Variants in TTYH3 observed in about 807,000 individuals in gnomAD.
The protein encoded by TTYH3 is tweety family member 3, also known as protein tweety homolog 3.
In TTYH3, 23 loss-of-function variants were observed where a neutral mutation model predicts 68.2. That is an observed-to-expected ratio of 0.34 (90% CI 0.24 to 0.48). The LOEUF (loss-of-function observed/expected upper bound fraction) is 0.48. TTYH3 is among the 20% of genes least tolerant of loss of function. The probability of loss-of-function intolerance (pLI) is 0.99; values close to 1 mark genes in which losing one functional copy is unlikely to be tolerated. For synonymous variants in TTYH3, 360 were observed against 332.8 expected (o/e 1.08, Z -0.89); for missense variants, 768 against 727.7 (o/e 1.06, Z -0.64).
Position 2,648,181 on chromosome 7 carries a change from A to AC in TTYH3, c.722+133dup, listed in dbSNP as rs1003655825. The AC allele has an allele frequency of 6.0e-6, 5 of 833,352 alleles. No individual in the cohort carries two copies. In the Admixed American group the frequency reaches 1.3e-4, roughly 22 times the overall value. The allele number at this position is 833,352 out of a possible 1,614,324, so 51.6% of individuals were successfully genotyped here. A position where few individuals can be genotyped will look rare whatever the true frequency, so the allele number is the denominator to read the frequency against. On this transcript the variant is annotated intron_variant, in intron 5 of 13. Transcript: ENST00000258796. ...AGCTCTGCGGTGGGGGCTGAGCGGG[A>AC]CCCCCCTGCACTGGGCCTGCTCTGA...
In TTYH3 at chr7:2,652,377, A is replaced by G. The variant is rs988078539; in HGVS notation, c.927+135A>G. 47 of 790,844 alleles carry G rather than the reference A, an allele frequency of 5.9e-5. No individual in the cohort carries two copies. In the South Asian group the frequency reaches 6.7e-4, roughly 11 times the overall value. The allele number at this position is 790,844 out of a possible 1,614,324, so 49.0% of individuals were successfully genotyped here. On this transcript the variant is annotated intron_variant, in intron 8 of 13. Transcript: ENST00000258796. ...GGAACTGGGGGAGGGAGCTGGACAA[A>G]GGCTGTGTGGATGTCACCAACAGCC... is the stretch of plus-strand genomic sequence containing the variant.
intron 1 of TTYH3, among the ~76,000 whole-genome samples, chr7:2,636,480 T>C (rs1009233216): frequency 5.3e-5 from 8 of 152,188 alleles, no homozygotes; most frequent in African/African-American, 1.9e-4. Context: ...GTGTTCCAGA[T>C]GCTTGTCCAG....
At chr7:2,633,147 T>A (rs1236705969) in intron 1 of TTYH3, among the ~76,000 whole-genome samples, 1 of 152,132 alleles carries the variant, frequency 6.6e-6, no homozygotes, top group Non-Finnish European at 1.5e-5. Flanking sequence ...GACCAAGCTG[T>A]GGGCATTTCC....
chr7:2,656,371 T>C, intron 10 of TTYH3, 27 bp from the exon 11 acceptor site: 1 of 1,599,604 alleles, frequency 6.3e-7, no homozygotes, highest in South Asian at 1.1e-5. Flanking sequence ...TGTCTCTGGA[T>C]CCTGCCATCT....
At position 2,651,399 on chromosome 7, in the gene TTYH3, G is replaced by A. The variant is rs377092617; in HGVS notation, c.872-788G>A. ...TCTGCCGCCCACTGACCTTGTCCTC[G>A]GGGGCGAGGGTGGAGGGGTGGGCCC... On this transcript the variant is annotated intron_variant, in intron 7 of 13. Coordinates refer to ENST00000258796, the MANE Select transcript of TTYH3 (RefSeq NM_025250.3). 7.7e-4 allele frequency among the ~76,000 whole-genome samples: 118 copies of A among 152,308 alleles called. 1 individual carries two copies. Among genetic ancestry groups the A allele is most frequent in the African/African-American group, 2.7e-3 (113 of 41,564 alleles).
At chr7:2,660,687 C>A in intron 13 of TTYH3, 1 of 437,574 alleles carries the variant, frequency 2.3e-6, no homozygotes, top group Non-Finnish European at 3.0e-6. Flanking sequence ...TTCTTGGTGT[C>A]CCAGGAGGGC....
At position 2,656,478 on chromosome 7, in the gene TTYH3, A is replaced by G; in HGVS notation, c.1194A>G (p.Thr398=). The G allele has an allele frequency of 6.2e-7, 1 of 1,612,118 alleles. No homozygotes were observed. Among genetic ancestry groups the G allele is most frequent in the Non-Finnish European group, 8.5e-7 (1 of 1,179,704 alleles). Residue 398 remains threonine (T), a synonymous_variant, in exon 11 of 14, where the codon ACA becomes ACG. Coordinates refer to ENST00000258796, the MANE Select transcript of TTYH3 (RefSeq NM_025250.3). ...ACCTGGCCCTCTTCTCCTTCGTCAC[A>G]GCCCTCATGTTCAGCTCCATCGTCT... is the stretch of plus-strand genomic sequence containing the variant. ...LIYLALFSFV[T]ALMFSSIVCS...
chr7:2,656,234 CAG>C (rs750938128), intron 10 of TTYH3, 50 bp downstream of exon 10: 25 of 1,548,062 alleles, frequency 1.6e-5, no homozygotes, highest in Non-Finnish European at 2.1e-5. Flanking sequence ...AGGGTGGGAA[CAG>C]GGGAGCAGCT....
At chr7:2,644,491 C>G (rs770042725) in intron 1 of TTYH3, among the ~76,000 whole-genome samples, 6 of 152,230 alleles carry the variant, frequency 3.9e-5, no homozygotes, top group Non-Finnish European at 8.8e-5. Flanking sequence ...CTGAGGACCC[C>G]TCTGTGACAT....
chr7:2,654,853 C>T (rs529979626), intron 9 of TTYH3, among the ~76,000 whole-genome samples: 3 of 152,116 alleles, frequency 2.0e-5, no homozygotes, highest in South Asian at 2.1e-4. Flanking sequence ...GGCGCAATCT[C>T]GGCTCACCGC....
chr7:2,660,136 T>C lies in TTYH3; in HGVS notation c.1500+1121T>C, dbSNP rs937820375. ...TGCCGCCCTCCCGTCGGCACTGAGC[T>C]GGGGCTCCATCTGTCCGGCTCCTGT... is the stretch of plus-strand genomic sequence containing the variant. On this transcript the variant is annotated intron_variant, in intron 13 of 13. Transcript: ENST00000258796. 1.1e-5 allele frequency: 13 copies of C among 1,216,096 alleles called. No individual in the cohort carries two copies. The African/African-American group carries it at 2.1e-4, about 19-fold the overall frequency. 75.3% of individuals were successfully genotyped at this position (1,216,096 alleles called of 1,614,324 possible).
At chr7:2,641,307 GCGGGGCAGT>G (rs1785835348) in intron 1 of TTYH3, among the ~76,000 whole-genome samples, 2 of 152,126 alleles carry the variant, frequency 1.3e-5, no homozygotes, top group Admixed American at 1.3e-4. Flanking sequence ...TTTGGGGGCT[GCGGGGCAGT>G]CGGGGGAGTC....
At chr7:2,646,190 C>A (rs950800449) in intron 1 of TTYH3, among the ~76,000 whole-genome samples, 2 of 152,048 alleles carry the variant, frequency 1.3e-5, no homozygotes, top group Non-Finnish European at 2.9e-5. Flanking sequence ...AATTTTTGTA[C>A]TTTTAGTAGA....
intron 1 of TTYH3, among the ~76,000 whole-genome samples, chr7:2,641,075 T>C (rs1785828885): frequency 6.6e-6 from 1 of 151,934 alleles, no homozygotes; most frequent in South Asian, 2.1e-4. Flanking sequence ...TGCCTGGGTG[T>C]AGAGGCCACA....
At chr7:2,650,048 G>A (rs1336049612) in intron 7 of TTYH3, 60 bp downstream of exon 7, 11 of 1,586,262 alleles carry the variant, frequency 6.9e-6, no homozygotes, top group Non-Finnish European at 9.5e-6. Flanking sequence ...TGAGCCAAAA[G>A]AGTGGGGTAG....
chr7:2,635,547 C>T (rs547068141), intron 1 of TTYH3, among the ~76,000 whole-genome samples: 104 of 152,210 alleles, frequency 6.8e-4, no homozygotes, highest in Non-Finnish European at 1.2e-3. Context: ...TGGTGGGTTG[C>T]GAACCCAGGC....
chr7:2,632,155 C>T lies in TTYH3; in HGVS notation c.-1C>T. On this transcript the variant is annotated 5_prime_UTR_variant, in exon 1 of 14. Transcript: ENST00000258796. ...GCATCCGGAGGCGGCCGGGCCCCGC[C>T]ATGGCCGGGGTCAGCTACGCGGCGC... 5 of 1,439,268 alleles carry T rather than the reference C, an allele frequency of 3.5e-6. No individual in the cohort carries two copies. The highest frequency in any genetic ancestry group is 1.4e-5 in the South Asian group (1 of 72,274). 89.2% of individuals were successfully genotyped at this position (1,439,268 alleles called of 1,614,324 possible). A position where few individuals can be genotyped will look rare whatever the true frequency, so the allele number is the denominator to read the frequency against.
At chr7:2,654,652 T>C (rs1271904016) in intron 9 of TTYH3, among the ~76,000 whole-genome samples, 1 of 152,198 alleles carries the variant, frequency 6.6e-6, no homozygotes, top group African/African-American at 2.4e-5. Context: ...ACGTTTATCA[T>C]CTCACAGCTC....
intron 9 of TTYH3, among the ~76,000 whole-genome samples, chr7:2,653,737 C>T (rs372494097): frequency 6.6e-6 from 1 of 152,302 alleles, no homozygotes; most frequent in South Asian, 2.1e-4. Flanking sequence ...GTGGTACACG[C>T]CTGTAATCCC....
Sources: allele counts gnomAD v4.1 joint callset (sites outside exome capture counted in the v4.1 genomes callset), GRCh38; gene constraint gnomAD v4.1.1; transcripts MANE v1.5; gene names NCBI Gene and HGNC (gene_info 2026-07-23, HGNC 2026-07-21).